Variants in PTPRG observed in about 807,000 individuals in gnomAD.
PTPRG encodes protein tyrosine phosphatase receptor type G, also known as receptor-type tyrosine-protein phosphatase gamma.
A neutral mutation model predicts 165.3 loss-of-function variants in PTPRG; 102 were observed. That is an observed-to-expected ratio of 0.62 (90% CI 0.53 to 0.73). The LOEUF is 0.73. Among genes scored for constraint, PTPRG ranks in the 30% least tolerant of loss-of-function variants. The pLI, the probability that PTPRG is intolerant of heterozygous loss-of-function variation, is 0.00. For missense variants in PTPRG, 1,866 were observed against 1,861.4 expected (o/e 1.00, Z -0.05); for synonymous variants, 675 against 669.5 (o/e 1.01, Z -0.13).
chr3:61,676,039 G>A (rs1250731971), intron 1 of PTPRG, among the ~76,000 whole-genome samples: 2 of 152,280 alleles, frequency 1.3e-5, no homozygotes, highest in Admixed American at 6.5e-5. Flanking sequence ...GAAGGCATTT[G>A]TAAGTTAAAT....
intron 5 of PTPRG, among the ~76,000 whole-genome samples, chr3:62,087,515 C>G (rs990221452): frequency 6.6e-6 from 1 of 152,194 alleles, no homozygotes; most frequent in African/African-American, 2.4e-5. Context: ...CTAATGACAA[C>G]TACTATACAG....
chr3:62,093,421 T>G (rs1371209863), intron 5 of PTPRG, among the ~76,000 whole-genome samples: 1 of 152,238 alleles, frequency 6.6e-6, no homozygotes, highest in Non-Finnish European at 1.5e-5. Context: ...TGATCAGACG[T>G]GCCATTGTCT....
intron 1 of PTPRG, among the ~76,000 whole-genome samples, chr3:61,719,537 G>A (rs1424394620): frequency 6.6e-6 from 1 of 152,176 alleles, no homozygotes; most frequent in Non-Finnish European, 1.5e-5. Context: ...TTGTCAGCAG[G>A]CTTGGCAGTG....
intron 5 of PTPRG, among the ~76,000 whole-genome samples, chr3:62,078,668 C>G (rs931486956): frequency 3.3e-5 from 5 of 151,936 alleles, no homozygotes; most frequent in Admixed American, 1.3e-4. Flanking sequence ...TAAAGAGACC[C>G]CCTCTCTTTC....
At chr3:61,880,389 G>A (rs2037851957) in intron 2 of PTPRG, among the ~76,000 whole-genome samples, 1 of 152,158 alleles carries the variant, frequency 6.6e-6, no homozygotes, top group South Asian at 2.1e-4. Flanking sequence ...GGAGACCAAG[G>A]CAAGTGGATT....
intron 3 of PTPRG, among the ~76,000 whole-genome samples, chr3:61,991,818 A>C (rs2040898430): frequency 6.6e-6 from 1 of 152,184 alleles, no homozygotes; most frequent in Non-Finnish European, 1.5e-5. Flanking sequence ...CCTTCGGCAA[A>C]GATAACACGT....
intron 5 of PTPRG, among the ~76,000 whole-genome samples, chr3:62,114,997 G>A (rs866575120): frequency 6.6e-6 from 1 of 152,126 alleles, no homozygotes; most frequent in Admixed American, 6.5e-5. Flanking sequence ...TTACATTCTT[G>A]GGCTACTATT....
chr3:61,749,034 C>A, intron 2 of PTPRG, 52 bp downstream of exon 2: 1 of 1,402,182 alleles, frequency 7.1e-7, no homozygotes, highest in Non-Finnish European at 1.0e-6. Flanking sequence ...ACATCCCATT[C>A]AACTCACTTG....
At chr3:62,040,653 A>G (rs1350648449) in intron 4 of PTPRG, among the ~76,000 whole-genome samples, 1 of 152,118 alleles carries the variant, frequency 6.6e-6, no homozygotes, top group Non-Finnish European at 1.5e-5. Context: ...TGGGATTTCA[A>G]CATGTTGGCC....
intron 6 of PTPRG, among the ~76,000 whole-genome samples, chr3:62,140,625 T>A (rs1703889193): frequency 6.6e-6 from 1 of 152,106 alleles, no homozygotes; most frequent in Admixed American, 6.5e-5. Flanking sequence ...GGTGGGCAGA[T>A]CACCTGAGGT....
chr3:61,672,751 A>ACCGTG (rs1703066611), intron 1 of PTPRG, among the ~76,000 whole-genome samples: 1 of 130,150 alleles, frequency 7.7e-6, no homozygotes, highest in Admixed American at 7.8e-5. Context: ...GGAGAGGGAG[A>ACCGTG]GGGAGAGGGA....
intron 1 of PTPRG, among the ~76,000 whole-genome samples, chr3:61,563,825 A>T (rs1438327351): frequency 6.6e-6 from 1 of 151,866 alleles, no homozygotes; most frequent in Non-Finnish European, 1.5e-5. Flanking sequence ...CCCTCGGGGG[A>T]CTGGCAGCGA....
chr3:62,168,067 C>T lies in PTPRG; in HGVS notation c.937C>T (p.His313Tyr), dbSNP rs1335361683. The T allele has an allele frequency of 6.2e-7, 1 of 1,613,928 alleles. No homozygotes were observed. The highest frequency in any genetic ancestry group is 8.5e-7 in the Non-Finnish European group (1 of 1,179,974). ...TAACTTTCGACCACAGCAGCGTCTGCATGACAGGGTGGTGTCCAAGTCCGC... is the reference window on the plus strand; with the variant it reads ...TAACTTTCGACCACAGCAGCGTCTGTATGACAGGGTGGTGTCCAAGTCCGC... Reference protein sequence around the residue: ...RNNFRPQQRLHDRVVSKSAVR... With the variant: ...RNNFRPQQRLYDRVVSKSAVR... Residue 313 changes from histidine to tyrosine, a missense_variant, in exon 8 of 30, where the codon CAT becomes TAT. By Grantham distance (83) the His-to-Tyr change is moderately conservative (BLOSUM62 2). Around this residue, in one of 3 missense-constraint regions of PTPRG, gnomAD observed 1,452 missense variants for 1,463.0 expected, o/e 0.99. Coordinates refer to ENST00000474889, the MANE Select transcript of PTPRG (RefSeq NM_002841.4).
chr3:61,667,794 T>TTA (rs530021992), intron 1 of PTPRG, among the ~76,000 whole-genome samples: 139 of 141,856 alleles, frequency 9.8e-4, no homozygotes, highest in Admixed American at 1.6e-3. Flanking sequence ...TTTTTTTAAT[T>TTA]AAAAAAAAAA....
chr3:61,881,153 A>G (rs967421248), intron 2 of PTPRG, among the ~76,000 whole-genome samples: 9 of 152,096 alleles, frequency 5.9e-5, no homozygotes, highest in Non-Finnish European at 1.5e-5. Flanking sequence ...AGTACTTTAT[A>G]ACAAAGTGAG....
At position 61,562,000 on chromosome 3, in the gene PTPRG, C is replaced by G. The variant is rs931951024; in HGVS notation, c.-288C>G. ...GGGCATCGCCGCCGGCCGCCGACTC[C>G]GCGCCCTGCCCGATCGGCTCTCTCC... is the stretch of plus-strand genomic sequence containing the variant. On this transcript the variant is annotated 5_prime_UTR_variant, in exon 1 of 30. Coordinates refer to ENST00000474889, the MANE Select transcript of PTPRG (RefSeq NM_002841.4). The G allele has an allele frequency of 3.6e-6, 1 of 279,002 alleles. No homozygotes were observed. The highest frequency in any genetic ancestry group is 7.3e-5 in the East Asian group (1 of 13,686). 17.3% of individuals were successfully genotyped at this position (279,002 alleles called of 1,614,324 possible).
intron 1 of PTPRG, among the ~76,000 whole-genome samples, chr3:61,665,469 TACACACACACACAC>T (rs10662394): frequency 8.3e-5 from 12 of 143,922 alleles, no homozygotes; most frequent in African/African-American, 2.9e-4. Flanking sequence ...TGTAAATAAA[TACACACACACACAC>T]ACACACACAC....
chr3:61,592,645 C>CTT (rs1267860858), intron 1 of PTPRG, among the ~76,000 whole-genome samples: 1 of 140,878 alleles, frequency 7.1e-6, no homozygotes, highest in Non-Finnish European at 1.5e-5. Context: ...TTCTTTCTTT[C>CTT]TTTCTTTTTT....
chr3:62,218,137 C>T (rs1700556785), intron 12 of PTPRG, among the ~76,000 whole-genome samples: 1 of 152,114 alleles, frequency 6.6e-6, no homozygotes, highest in African/African-American at 2.4e-5. Flanking sequence ...CACCTAGGTG[C>T]TCCTGCTGGG....
Sources: gnomAD v4.1 joint callset for allele counts (sites outside exome capture counted in the v4.1 genomes callset) on GRCh38, gnomAD v4.1.1 for gene constraint, gnomAD v4.1.1 regional missense constraint, MANE v1.5 for transcripts, NCBI Gene and HGNC (gene_info 2026-07-23, HGNC 2026-07-21) for gene names.